The following VSTM1 variants were observed in gnomAD, a reference collection of about 807,000 sequenced individuals.
The protein encoded by VSTM1 is V-set and transmembrane domain-containing protein 1.
Under a neutral mutation model 33.1 loss-of-function variants are expected in VSTM1, and 27 were observed. That is an observed-to-expected ratio of 0.82 (90% CI 0.60 to 1.12). The LOEUF is 1.12. Ranked by LOEUF, VSTM1 falls within the 50% of genes most tolerant of loss-of-function variation. The probability of loss-of-function intolerance (pLI) is 0.00; values close to 1 mark genes in which losing one functional copy is unlikely to be tolerated. For missense variants in VSTM1, 304 were observed against 288.9 expected, an observed-to-expected ratio of 1.05 and a Z score of -0.38; for synonymous variants, 115 against 110.3, an observed-to-expected ratio of 1.04 and a Z score of -0.27.
chr19:54,046,240 G>A (rs2070581242), intron 4 of VSTM1, among the ~76,000 whole-genome samples: 1 of 152,034 alleles, frequency 6.6e-6, no homozygotes, highest in African/African-American at 2.4e-5. Flanking sequence ...CCTGAAATAA[G>A]GTTCTTTCTG....
rs1264940365 is a variant in VSTM1 at position 54,063,741 on chromosome 19, C to A, written c.34+3G>T. ...CCCATTCGTCCCAGTCCTGGAGACTCACCGAGGCAAAGCAGGGAGAGGAAT... is the reference window on the plus strand; with the variant it reads ...CCCATTCGTCCCAGTCCTGGAGACTAACCGAGGCAAAGCAGGGAGAGGAAT... On this transcript the variant is annotated splice_donor_region_variant and intron_variant, in intron 1 of 8. Coordinates refer to ENST00000338372, the MANE Select transcript of VSTM1 (RefSeq NM_198481.4). 4 of 1,613,858 alleles carry A rather than the reference C, an allele frequency of 2.5e-6. No homozygotes were observed. In the South Asian group the frequency reaches 4.4e-5, roughly 18 times the overall value.
Position 54,054,075 on chromosome 19 carries a change from A to G in VSTM1, c.356-2627T>C, listed in dbSNP as rs983418391. Among the ~76,000 whole-genome samples the G allele has an allele frequency of 4.9e-5, 7 of 141,982 alleles. 1 individual carries two copies. Among genetic ancestry groups the G allele is most frequent in the African/African-American group, 1.0e-4 (4 of 38,470 alleles). 93.1% of individuals were successfully genotyped at this position (141,982 alleles called of 152,430 possible). On this transcript the variant is annotated intron_variant, in intron 3 of 8. Transcript: ENST00000338372. ...CATTTTGTAATAAGTAAAAAGTAGT[A>G]TAATAAAAAAGTAAAAAGTAGTATA...
At chr19:54,048,887 C>G (rs2070719120) in intron 4 of VSTM1, among the ~76,000 whole-genome samples, 1 of 151,962 alleles carries the variant, frequency 6.6e-6, no homozygotes, top group Non-Finnish European at 1.5e-5. Context: ...AGTTCGAGAC[C>G]AGCCTAGCCA....
chr19:54,063,779 G>T lies in VSTM1; in HGVS notation c.-2C>A. Reference sequence around the variant, plus strand: ...CAGGGAGAGGAATTCTGCGGTCATAGCGTCCCTTCTGCCAGAACCAAGGCC... The same window carrying T: ...CAGGGAGAGGAATTCTGCGGTCATATCGTCCCTTCTGCCAGAACCAAGGCC... On this transcript the variant is annotated 5_prime_UTR_variant, in exon 1 of 9. Transcript: ENST00000338372. 5 of 1,613,846 alleles carry T rather than the reference G, an allele frequency of 3.1e-6. No individual in the cohort carries two copies. Among genetic ancestry groups the T allele is most frequent in the Non-Finnish European group, 4.2e-6 (5 of 1,179,920 alleles).
intron 4 of VSTM1, among the ~76,000 whole-genome samples, chr19:54,049,785 T>C (rs1200105048): frequency 6.6e-6 from 1 of 152,142 alleles, no homozygotes; most frequent in Non-Finnish European, 1.5e-5. Context: ...GAGGATACCT[T>C]TTTGAAAACC....
intron 4 of VSTM1, 138 bp downstream of exon 4, chr19:54,051,272 A>G (rs2070827538): frequency 8.7e-6 from 7 of 801,534 alleles, no homozygotes; most frequent in African/African-American, 1.8e-5. Context: ...AGCCTTGGTG[A>G]CAAAGCGAGA....
At chr19:54,056,235 T>TC (rs2071094530) in intron 3 of VSTM1, among the ~76,000 whole-genome samples, 1 of 114,134 alleles carries the variant, frequency 8.8e-6, no homozygotes, top group African/African-American at 3.3e-5. Flanking sequence ...TTTTTTTTTT[T>TC]TTTTGAGACA....
chr19:54,055,318 G>A (rs1477500218), intron 3 of VSTM1, among the ~76,000 whole-genome samples: 1 of 142,028 alleles, frequency 7.0e-6, no homozygotes, highest in African/African-American at 2.6e-5. Context: ...CAACTGTGAA[G>A]CTCATTGTTT....
At chr19:54,059,377 T>C (rs117871275) in intron 1 of VSTM1, among the ~76,000 whole-genome samples, 7,759 of 151,256 alleles carry the variant, frequency 0.051, 265 homozygotes, top group Admixed American at 0.1. Context: ...CCTTTTCTGA[T>C]GTATTGAATT....
chr19:54,057,798 G>A (rs1371285097), intron 3 of VSTM1, among the ~76,000 whole-genome samples: 3 of 140,598 alleles, frequency 2.1e-5, no homozygotes, highest in African/African-American at 5.2e-5. Flanking sequence ...AACAGAGCAA[G>A]ACTCCCTCTC....
intron 1 of VSTM1, among the ~76,000 whole-genome samples, chr19:54,059,781 A>G (rs1469466526): frequency 1.4e-5 from 2 of 147,018 alleles, no homozygotes; most frequent in Non-Finnish European, 3.0e-5. Context: ...GCCTGATTGC[A>G]GTTTTACCCT....
At chr19:54,050,954 G>A (rs1299434101) in intron 4 of VSTM1, among the ~76,000 whole-genome samples, 2 of 149,600 alleles carry the variant, frequency 1.3e-5, no homozygotes, top group Non-Finnish European at 3.0e-5. Context: ...AGCTGAGATT[G>A]TGCCACTTCA....
chr19:54,063,849 G>A lies in VSTM1; in HGVS notation c.-72C>T. 6.4e-7 allele frequency: 1 copy of A among 1,556,054 alleles called. No individual in the cohort carries two copies. The highest frequency in any genetic ancestry group is 8.8e-7 in the Non-Finnish European group (1 of 1,142,038). ...TCAAAGGCGGAGCGGGACTGGGCCGGCCGCAGCTCTCCGGCTGCCCGGTTC... is the reference window on the plus strand; with the variant it reads ...TCAAAGGCGGAGCGGGACTGGGCCGACCGCAGCTCTCCGGCTGCCCGGTTC... On this transcript the variant is annotated 5_prime_UTR_variant, in exon 1 of 9. Transcript: ENST00000338372.
At chr19:54,043,266 T>A (rs1009162168) in intron 4 of VSTM1, among the ~76,000 whole-genome samples, 3 of 152,056 alleles carry the variant, frequency 2.0e-5, no homozygotes, top group Non-Finnish European at 4.4e-5. Flanking sequence ...GAATTCTGCC[T>A]CCAGACTCAA....
At position 54,042,389 on chromosome 19, in the gene VSTM1, T is replaced by A. The variant is rs1162440261; in HGVS notation, c.395-20A>T. On this transcript the variant is annotated intron_variant, in intron 4 of 8. Coordinates refer to ENST00000338372, the MANE Select transcript of VSTM1 (RefSeq NM_198481.4). ...TGGTGTCTGGAGGGGGAAGAGCAGGTCAGGGAATCAGCCTGGCTCCTGAAA... is the reference window on the plus strand; with the variant it reads ...TGGTGTCTGGAGGGGGAAGAGCAGGACAGGGAATCAGCCTGGCTCCTGAAA... The A allele has an allele frequency of 1.9e-6, 3 of 1,609,916 alleles. No individual in the cohort carries two copies. The African/African-American group carries it at 4.0e-5, about 22-fold the overall frequency.
intron 4 of VSTM1, among the ~76,000 whole-genome samples, chr19:54,048,921 TA>T (rs1445039791): frequency 7.9e-5 from 12 of 151,940 alleles, no homozygotes; most frequent in Admixed American, 1.3e-4. Flanking sequence ...CCCTCTCTAC[TA>T]AAAATACACA....
At position 54,058,484 on chromosome 19, in the gene VSTM1, C is replaced by T. The variant is rs2071221431; in HGVS notation, c.177G>A (p.Val59=). The change falls in exon 3 of 9, where the codon GTG becomes GTA. Residue 59 remains valine (V), a synonymous_variant. Coordinates refer to ENST00000338372, the MANE Select transcript of VSTM1 (RefSeq NM_198481.4). Reference sequence around the variant, plus strand: ...ACCCAGAGTCGTTCACCTTGCGCAGCACAAATGTCACATTCTGGGAATGAG... The same window carrying T: ...ACCCAGAGTCGTTCACCTTGCGCAGTACAAATGTCACATTCTGGGAATGAG... ...CQAHSQNVTF[V]LRKVNDSGYK... is the part of the protein sequence containing the mutation. 3 of 1,613,978 alleles carry T rather than the reference C, an allele frequency of 1.9e-6. No individual in the cohort carries two copies. Among genetic ancestry groups the T allele is most frequent in the Non-Finnish European group, 1.7e-6 (2 of 1,180,050 alleles).
chr19:54,061,586 G>A lies in VSTM1; in HGVS notation c.34+2158C>T, dbSNP rs1357257233. On this transcript the variant is annotated intron_variant, in intron 1 of 8. Transcript: ENST00000338372. ...ATAGTGCTTTGGGATGCCAAGATAG[G>A]AGAATTGCTTGAGCCCAGGAGTTGG... Among the ~76,000 whole-genome samples, 4 of 152,116 alleles carry A rather than the reference G, an allele frequency of 2.6e-5. No homozygotes were observed. In the South Asian group the frequency reaches 6.2e-4, roughly 24 times the overall value.
rs376484936 is a variant in VSTM1, at chr19:54,041,830, G to GAAAA, written c.554-18_554-15dup. 9.2e-7 allele frequency: 1 copy of GAAAA among 1,089,462 alleles called. No homozygotes were observed. Among genetic ancestry groups the GAAAA allele is most frequent in the Admixed American group, 2.5e-5 (1 of 40,628 alleles). 67.5% of individuals were successfully genotyped at this position (1,089,462 alleles called of 1,614,324 possible). On this transcript the variant is annotated splice_polypyrimidine_tract_variant and intron_variant, in intron 7 of 8. Transcript: ENST00000338372. The stretch of plus-strand genomic sequence containing the variant: ...ATAAATCTGCCTCTGAGTGAGAAAG[G>GAAAA]AAAAAAAAAAATCAGTTCTCAGCTG...
Sources: allele counts gnomAD v4.1 joint callset (sites outside exome capture counted in the v4.1 genomes callset), GRCh38; gene constraint gnomAD v4.1.1; transcripts MANE v1.5; gene names NCBI Gene and HGNC (gene_info 2026-07-23, HGNC 2026-07-21).